Variants in IMMP2L observed in about 807,000 individuals in gnomAD.
The protein encoded by IMMP2L is inner mitochondrial membrane peptidase subunit 2.
Under a neutral mutation model 19.3 loss-of-function variants are expected in IMMP2L, and 18 were observed. The ratio of observed to expected loss-of-function variants is 0.93; its 90% CI spans 0.64 to 1.38. IMMP2L has a LOEUF of 1.38. Ranked by LOEUF, IMMP2L falls within the 40% of genes most tolerant of loss-of-function variation. The pLI is 0.00. For synonymous variants in IMMP2L, 76 were observed against 73.0 expected (o/e 1.04, Z -0.21); for missense variants, 233 against 218.2 (o/e 1.07, Z -0.43).
chr7:111,475,662 C>T (rs1473039831), intron 3 of IMMP2L, among the ~76,000 whole-genome samples: 1 of 152,108 alleles, frequency 6.6e-6, no homozygotes, highest in Non-Finnish European at 1.5e-5. Flanking sequence ...ATATTAAAAA[C>T]TCTACTCCCA....
chr7:111,376,421 C>T (rs1329793714), intron 3 of IMMP2L, among the ~76,000 whole-genome samples: 1 of 151,972 alleles, frequency 6.6e-6, no homozygotes, highest in Non-Finnish European at 1.5e-5. Context: ...GATGAAGATA[C>T]GGAGGAAGTG....
chr7:111,028,646 A>G (rs1334726609), intron 3 of IMMP2L, among the ~76,000 whole-genome samples: 1 of 152,184 alleles, frequency 6.6e-6, no homozygotes, highest in Non-Finnish European at 1.5e-5. Context: ...GAATTTCAAG[A>G]TGGGCCTCAT....
At chr7:110,921,177 T>C (rs1159222061) in intron 4 of IMMP2L, among the ~76,000 whole-genome samples, 1 of 152,218 alleles carries the variant, frequency 6.6e-6, no homozygotes, top group Non-Finnish European at 1.5e-5. Flanking sequence ...ACTCATTGTA[T>C]AACATTGGCT....
At chr7:110,907,123 C>T (rs1157661680) in intron 4 of IMMP2L, among the ~76,000 whole-genome samples, 1 of 152,046 alleles carries the variant, frequency 6.6e-6, no homozygotes, top group Non-Finnish European at 1.5e-5. Flanking sequence ...TATAGTAACA[C>T]TTTAGTTTTG....
chr7:110,697,926 A>G (rs989014386), intron 5 of IMMP2L, among the ~76,000 whole-genome samples: 4 of 152,232 alleles, frequency 2.6e-5, no homozygotes, highest in African/African-American at 9.6e-5. Context: ...TACATGTAAG[A>G]TTCCCTATTT....
At chr7:111,170,623 A>T (rs749310152) in intron 3 of IMMP2L, among the ~76,000 whole-genome samples, 2 of 151,840 alleles carry the variant, frequency 1.3e-5, no homozygotes, top group Admixed American at 6.6e-5. Context: ...ATAATCCTAC[A>T]AATCGACACA....
chr7:110,863,843 C>T (rs994071544), intron 5 of IMMP2L, among the ~76,000 whole-genome samples: 18 of 152,038 alleles, frequency 1.2e-4, no homozygotes, highest in African/African-American at 3.9e-4. Context: ...CATCACAAGT[C>T]GAGGAGCATC....
At chr7:111,263,475 G>C (rs1178909053) in intron 3 of IMMP2L, among the ~76,000 whole-genome samples, 1 of 152,088 alleles carries the variant, frequency 6.6e-6, no homozygotes, top group Non-Finnish European at 1.5e-5. Flanking sequence ...GCTTAAATAG[G>C]AATGAGGAGG....
intron 3 of IMMP2L, among the ~76,000 whole-genome samples, chr7:111,466,108 A>T (rs1452247945): frequency 6.6e-6 from 1 of 152,196 alleles, no homozygotes; most frequent in Non-Finnish European, 1.5e-5. Context: ...TCTCACTCAC[A>T]GATGGGAATT....
chr7:111,090,548 G>C (rs1796751039), intron 3 of IMMP2L, among the ~76,000 whole-genome samples: 1 of 149,522 alleles, frequency 6.7e-6, no homozygotes, highest in East Asian at 2.0e-4. Context: ...GTGAATTACA[G>C]AGAGGCAAAT....
At chr7:111,015,257 A>T (rs1208940332) in intron 3 of IMMP2L, among the ~76,000 whole-genome samples, 1 of 152,186 alleles carries the variant, frequency 6.6e-6, no homozygotes, top group Non-Finnish European at 1.5e-5. Flanking sequence ...GTAATAAAAC[A>T]TAGATGAACT....
chr7:111,041,327 A>C (rs1278723254), intron 3 of IMMP2L, among the ~76,000 whole-genome samples: 1 of 152,134 alleles, frequency 6.6e-6, no homozygotes, highest in African/African-American at 2.4e-5. Flanking sequence ...AAATGAGTAA[A>C]AATATGTGTA....
At chr7:111,265,363 T>C (rs1244422012) in intron 3 of IMMP2L, among the ~76,000 whole-genome samples, 1 of 152,218 alleles carries the variant, frequency 6.6e-6, no homozygotes, top group African/African-American at 2.4e-5. Flanking sequence ...ATCTCTACTT[T>C]GTGTTGAGAT....
chr7:111,142,660 T>G (rs1238360992), intron 3 of IMMP2L, among the ~76,000 whole-genome samples: 2 of 152,084 alleles, frequency 1.3e-5, no homozygotes, highest in Non-Finnish European at 2.9e-5. Flanking sequence ...GACTGAGAAA[T>G]TGGGCCAGTA....
intron 3 of IMMP2L, among the ~76,000 whole-genome samples, chr7:111,273,497 G>T (rs2130365449): frequency 6.6e-6 from 1 of 152,160 alleles, no homozygotes; most frequent in South Asian, 2.1e-4. Flanking sequence ...CTAAAATAAA[G>T]GAAGTGGCCG....
At chr7:110,900,800 T>C (rs917202035) in intron 4 of IMMP2L, among the ~76,000 whole-genome samples, 2 of 152,096 alleles carry the variant, frequency 1.3e-5, no homozygotes, top group African/African-American at 4.8e-5. Context: ...TCTCCAAACG[T>C]TGCCAAATGT....
At chr7:110,926,776 C>A (rs1051872586) in intron 4 of IMMP2L, among the ~76,000 whole-genome samples, 4 of 152,120 alleles carry the variant, frequency 2.6e-5, no homozygotes, top group Non-Finnish European at 5.9e-5. Flanking sequence ...TTTATCATTA[C>A]AATTTTTTTG....
chr7:111,334,829 C>T (rs778139629), intron 3 of IMMP2L, among the ~76,000 whole-genome samples: 9 of 152,018 alleles, frequency 5.9e-5, no homozygotes, highest in Admixed American at 3.9e-4. Flanking sequence ...TCTTCCATTT[C>T]CCTCACTTTT....
intron 3 of IMMP2L, among the ~76,000 whole-genome samples, chr7:111,210,848 G>A (rs779142350): frequency 7.9e-5 from 12 of 152,064 alleles, no homozygotes; most frequent in Non-Finnish European, 1.3e-4. Context: ...TACTCAAAAT[G>A]AGAAATAATA....
Sources: gnomAD v4.1 joint callset for allele counts (sites outside exome capture counted in the v4.1 genomes callset) on GRCh38, gnomAD v4.1.1 for gene constraint, MANE v1.5 for transcripts, NCBI Gene and HGNC (gene_info 2026-07-23, HGNC 2026-07-21) for gene names.